The following ZNF407 variants were observed in gnomAD, a reference collection of about 807,000 sequenced individuals.
ZNF407 encodes the protein zinc finger protein 407.
In ZNF407, 17 loss-of-function variants were observed where a neutral mutation model predicts 131.2. That is an observed-to-expected ratio of 0.13 (90% CI 0.09 to 0.19). ZNF407 has a LOEUF of 0.19. ZNF407 is among the 10% of genes least tolerant of loss of function. The pLI, the probability that ZNF407 is intolerant of heterozygous loss-of-function variation, is 1.00. For synonymous variants in ZNF407, 1,156 were observed against 1,062.0 expected (o/e 1.09, Z -1.72); for missense variants, 2,681 against 2,830.6 (o/e 0.95, Z 1.20).
Position 74,889,877 on chromosome 18 carries a change from GTTATTA to G in ZNF407, c.5129-35_5129-30del, listed in dbSNP as rs1221244987. ...CAGGTTTATTCCTTCATTTCCAGTT[GTTATTA>G]TTATTCATCTGTAACATTTCTTGAT... On this transcript the variant is annotated intron_variant, in intron 6 of 8. Transcript: ENST00000299687. The G allele has an allele frequency of 3.2e-6, 5 of 1,556,658 alleles. No homozygotes were observed. The African/African-American group carries it at 5.5e-5, about 17-fold the overall frequency.
intron 8 of ZNF407, among the ~76,000 whole-genome samples, chr18:75,019,469 A>G (rs1177638100): frequency 6.6e-6 from 1 of 152,158 alleles, no homozygotes; most frequent in African/African-American, 2.4e-5. Flanking sequence ...GTAAATGGAA[A>G]ATTCCAGAAA....
chr18:74,619,715 TG>T (rs2144636278), intron 1 of ZNF407, among the ~76,000 whole-genome samples: 1 of 152,348 alleles, frequency 6.6e-6, no homozygotes, highest in East Asian at 1.9e-4. Flanking sequence ...ATTTCATGAC[TG>T]ATTTTATAGA....
chr18:74,677,420 T>TA (rs1986437964), intron 3 of ZNF407, among the ~76,000 whole-genome samples: 1 of 152,176 alleles, frequency 6.6e-6, no homozygotes, highest in African/African-American at 2.4e-5. Flanking sequence ...ATCTTTGAGG[T>TA]ATTTGTGATA....
chr18:74,999,185 C>T (rs1972812445), intron 8 of ZNF407, among the ~76,000 whole-genome samples: 1 of 79,476 alleles, frequency 1.3e-5, no homozygotes, highest in Non-Finnish European at 2.5e-5. Flanking sequence ...ATATCACACT[C>T]TGGGGACTGT....
In ZNF407 at chr18:74,632,586, G is replaced by A. The variant is rs1252500651; in HGVS notation, c.1567G>A (p.Gly523Ser). The A allele has an allele frequency of 1.2e-6, 2 of 1,613,898 alleles. No homozygotes were observed. The highest frequency in any genetic ancestry group is 2.7e-5 in the African/African-American group (2 of 74,928). ...TTCCCTGACAGTGAAGCCAGCTTCT[G>A]GCTCTCAGACGTTGTGTGCTTGTAC... ...LHSLTVKPAS[G>S]SQTLCACTDC... is the part of the protein sequence containing the mutation. Residue 523 changes from glycine to serine, a missense_variant, in exon 2 of 9, where the codon GGC (glycine) becomes AGC (serine). Gly to Ser is a moderately conservative substitution (Grantham distance 56). Transcript: ENST00000299687.
intron 8 of ZNF407, among the ~76,000 whole-genome samples, chr18:74,950,590 C>A (rs1972202645): frequency 6.6e-6 from 1 of 152,184 alleles, no homozygotes; most frequent in African/African-American, 2.4e-5. Flanking sequence ...TACAATTGTT[C>A]TACCGTTACA....
rs150895429 is a variant in ZNF407, at chr18:74,691,475, A to C, written c.4802+50353A>C. Reference sequence around the variant, plus strand: ...AAAATTTTTTTTGTTGTTTTTTACAAATTTTATTGATCTTTTCAAATAACT... The same window carrying C: ...AAAATTTTTTTTGTTGTTTTTTACACATTTTATTGATCTTTTCAAATAACT... On this transcript the variant is annotated intron_variant, in intron 3 of 8. Coordinates refer to ENST00000299687, the MANE Select transcript of ZNF407 (RefSeq NM_017757.3). Among the ~76,000 whole-genome samples, 12 of 151,446 alleles carry C rather than the reference A, an allele frequency of 7.9e-5. No individual in the cohort carries two copies. In the East Asian group the frequency reaches 2.1e-3, roughly 27 times the overall value.
intron 4 of ZNF407, among the ~76,000 whole-genome samples, chr18:74,803,381 C>T (rs1970054728): frequency 6.6e-6 from 1 of 152,084 alleles, no homozygotes; most frequent in Non-Finnish European, 1.5e-5. Context: ...GTCCTGTCAT[C>T]GATAGGGAGA....
intron 8 of ZNF407, among the ~76,000 whole-genome samples, chr18:74,925,763 A>G (rs1971905182): frequency 6.6e-6 from 1 of 152,256 alleles, no homozygotes; most frequent in African/African-American, 2.4e-5. Context: ...ACCAATTATT[A>G]CTTCAACCTA....
chr18:74,731,724 CAG>C (rs1376921616), intron 3 of ZNF407, among the ~76,000 whole-genome samples: 2 of 152,044 alleles, frequency 1.3e-5, no homozygotes, highest in Admixed American at 6.6e-5. Flanking sequence ...TGTGAGATAA[CAG>C]AGTCATAGAG....
chr18:74,736,164 A>G (rs575721031), intron 3 of ZNF407, among the ~76,000 whole-genome samples: 194 of 152,044 alleles, frequency 1.3e-3, no homozygotes, highest in Non-Finnish European at 2.4e-3. Context: ...CTTAATTTAC[A>G]TGCTTTTTTT....
At chr18:74,713,246 A>G (rs1335576311) in intron 3 of ZNF407, among the ~76,000 whole-genome samples, 1 of 152,134 alleles carries the variant, frequency 6.6e-6, no homozygotes, top group African/African-American at 2.4e-5. Context: ...AGACTCCTCC[A>G]ATCTTTAAAA....
At chr18:74,694,149 GA>G (rs148279980) in intron 3 of ZNF407, among the ~76,000 whole-genome samples, 1 of 152,250 alleles carries the variant, frequency 6.6e-6, no homozygotes, top group African/African-American at 2.4e-5. Context: ...TTCCTTTAAA[GA>G]ATGTTGGATT....
At chr18:74,891,786 A>T (rs564388551) in intron 7 of ZNF407, among the ~76,000 whole-genome samples, 2 of 152,306 alleles carry the variant, frequency 1.3e-5, no homozygotes, top group South Asian at 4.1e-4. Context: ...GCCATTAGAA[A>T]ATTACAAGAA....
chr18:74,809,573 T>C (rs186916225), intron 4 of ZNF407, among the ~76,000 whole-genome samples: 6 of 152,312 alleles, frequency 3.9e-5, no homozygotes, highest in African/African-American at 1.4e-4. Context: ...TTTCTTCTGT[T>C]AAGTGAGGAA....
At chr18:74,685,730 T>C (rs1196678787) in intron 3 of ZNF407, among the ~76,000 whole-genome samples, 1 of 152,194 alleles carries the variant, frequency 6.6e-6, no homozygotes, top group African/African-American at 2.4e-5. Flanking sequence ...AACTGAGTGC[T>C]CTCCATCCAT....
chr18:74,769,597 A>T (rs540293582), intron 3 of ZNF407, among the ~76,000 whole-genome samples: 12 of 152,144 alleles, frequency 7.9e-5, no homozygotes, highest in Non-Finnish European at 1.8e-4. Flanking sequence ...TACAAAATTC[A>T]TTGTATTTTT....
At chr18:74,655,607 T>C (rs920695621) in intron 3 of ZNF407, among the ~76,000 whole-genome samples, 1 of 152,156 alleles carries the variant, frequency 6.6e-6, no homozygotes, top group Non-Finnish European at 1.5e-5. Flanking sequence ...GGGTTTTGCA[T>C]GCAACAAAAA....
At chr18:74,967,680 A>G (rs1972424623) in intron 8 of ZNF407, among the ~76,000 whole-genome samples, 2 of 152,350 alleles carry the variant, frequency 1.3e-5, no homozygotes, top group African/African-American at 2.4e-5. Context: ...TAACTCAATC[A>G]GCAAGTCAAG....
Sources: gnomAD v4.1 joint callset for allele counts (sites outside exome capture counted in the v4.1 genomes callset) on GRCh38, gnomAD v4.1.1 for gene constraint, MANE v1.5 for transcripts, NCBI Gene and HGNC (gene_info 2026-07-23, HGNC 2026-07-21) for gene names.